The following NLGN1 variants were observed in gnomAD, a reference collection of about 807,000 sequenced individuals.
NLGN1 encodes the protein neuroligin-1.
NLGN1 carries 12 observed loss-of-function variants against 65.5 expected under a neutral mutation model. The ratio of observed to expected loss-of-function variants is 0.18; its 90% CI spans 0.12 to 0.30. The LOEUF (loss-of-function observed/expected upper bound fraction) is 0.30, where lower values mean the gene tolerates loss of function less well. Ranked by LOEUF, NLGN1 falls within the 10% of genes least tolerant of loss-of-function variation. NLGN1 has a pLI of 1.00. For synonymous variants in NLGN1, 350 were observed against 359.5 expected (o/e 0.97, Z 0.30); for missense variants, 750 against 1,007.1 (o/e 0.74, Z 3.46).
rs548803393 is a variant in NLGN1, at chr3:174,233,798, G to A, written c.647-41517G>A. 7.9e-5 allele frequency among the ~76,000 whole-genome samples: 12 copies of A among 152,098 alleles called. No individual in the cohort carries two copies. The South Asian group carries it at 2.5e-3, about 32-fold the overall frequency. On this transcript the variant is annotated intron_variant, in intron 4 of 6. Coordinates refer to ENST00000457714, the Ensembl canonical transcript of NLGN1. Reference sequence around the variant, plus strand: ...CTTCAACAGAACTAGTTCACTGAAGGCATATAATTTAATGGTATTATTAAG... The same window carrying A: ...CTTCAACAGAACTAGTTCACTGAAGACATATAATTTAATGGTATTATTAAG...
At chr3:174,125,314 G>A (rs889241922) in intron 4 of NLGN1, among the ~76,000 whole-genome samples, 2 of 152,094 alleles carry the variant, frequency 1.3e-5, no homozygotes, top group African/African-American at 4.8e-5. Flanking sequence ...TGCAGCAGGG[G>A]AAGATAAAAA....
chr3:173,991,505 A>G (rs1721093418), intron 4 of NLGN1, among the ~76,000 whole-genome samples: 1 of 152,194 alleles, frequency 6.6e-6, no homozygotes, highest in African/African-American at 2.4e-5. Flanking sequence ...ATAGAATGTT[A>G]CTAGCCACAC....
intron 3 of NLGN1, among the ~76,000 whole-genome samples, chr3:173,615,769 A>G (rs1033097285): frequency 6.0e-5 from 9 of 150,114 alleles, no homozygotes; most frequent in South Asian, 2.1e-4. Flanking sequence ...TTTAAAGCCT[A>G]AAGTGTACCT....
chr3:174,212,248 G>A (rs183669438), intron 4 of NLGN1, among the ~76,000 whole-genome samples: 1 of 152,204 alleles, frequency 6.6e-6, no homozygotes, highest in Non-Finnish European at 1.5e-5. Context: ...GGCCAGCAGG[G>A]CTGGCCGGCT....
intron 4 of NLGN1, among the ~76,000 whole-genome samples, chr3:174,265,894 A>ATGTATATATG (rs1490226386): frequency 7.1e-6 from 1 of 140,790 alleles, no homozygotes; most frequent in Non-Finnish European, 1.5e-5. Context: ...ATACGTATAT[A>ATGTATATATG]TGTATATATG....
chr3:173,885,964 A>G (rs1235745202), intron 4 of NLGN1, among the ~76,000 whole-genome samples: 1 of 152,098 alleles, frequency 6.6e-6, no homozygotes, highest in Non-Finnish European at 1.5e-5. Flanking sequence ...TACAGAACCT[A>G]TTAGTAAGAA....
At chr3:173,703,260 A>G (rs1243509434) in intron 3 of NLGN1, among the ~76,000 whole-genome samples, 1 of 152,128 alleles carries the variant, frequency 6.6e-6, no homozygotes, top group Non-Finnish European at 1.5e-5. Flanking sequence ...AATCTTTTCT[A>G]CTTAAAAGAG....
chr3:174,276,130 T>C (rs1227226615), intron 5 of NLGN1, among the ~76,000 whole-genome samples: 1 of 151,902 alleles, frequency 6.6e-6, no homozygotes, highest in Non-Finnish European at 1.5e-5. Flanking sequence ...TTTCTATTTT[T>C]AACTCCAAAA....
intron 2 of NLGN1, among the ~76,000 whole-genome samples, chr3:173,516,178 A>G (rs551053203): frequency 1.9e-4 from 29 of 152,194 alleles, no homozygotes; most frequent in South Asian, 1.9e-3. Flanking sequence ...ATAGTGACAG[A>G]TTTTTTAATG....
At chr3:173,806,958 A>G (rs746439996) in intron 3 of NLGN1, among the ~76,000 whole-genome samples, 6 of 152,156 alleles carry the variant, frequency 3.9e-5, no homozygotes, top group Non-Finnish European at 8.8e-5. Context: ...AAAGAAAGTG[A>G]AAAAATATTT....
intron 2 of NLGN1, among the ~76,000 whole-genome samples, chr3:173,518,328 A>AT (rs1267476183): frequency 2.7e-5 from 4 of 150,624 alleles, no homozygotes; most frequent in African/African-American, 4.9e-5. Flanking sequence ...TTTGCTCATT[A>AT]TTTTTCTAGT....
chr3:173,831,657 A>G (rs1302812715), intron 4 of NLGN1, among the ~76,000 whole-genome samples: 1 of 152,218 alleles, frequency 6.6e-6, no homozygotes, highest in East Asian at 1.9e-4. Flanking sequence ...TTATATGAAA[A>G]CAGGAAGATG....
chr3:173,839,533 C>G (rs908668723), intron 4 of NLGN1, among the ~76,000 whole-genome samples: 5 of 151,842 alleles, frequency 3.3e-5, no homozygotes, highest in African/African-American at 9.7e-5. Flanking sequence ...AGCGATTCTT[C>G]TGCCTCAGCC....
chr3:174,167,513 A>C (rs1727716363), intron 4 of NLGN1, among the ~76,000 whole-genome samples: 1 of 150,544 alleles, frequency 6.6e-6, no homozygotes, highest in Non-Finnish European at 1.5e-5. Context: ...GTATTCTCGC[A>C]ATCTCTCTTG....
At chr3:173,988,396 C>A (rs917207498) in intron 4 of NLGN1, among the ~76,000 whole-genome samples, 1 of 152,116 alleles carries the variant, frequency 6.6e-6, no homozygotes, top group African/African-American at 2.4e-5. Context: ...CAAAGTTTTT[C>A]ATTCTTTCTT....
At chr3:173,678,998 G>A (rs569479863) in intron 3 of NLGN1, among the ~76,000 whole-genome samples, 8 of 152,066 alleles carry the variant, frequency 5.3e-5, no homozygotes, top group African/African-American at 1.9e-4. Context: ...GAGTTTAGTT[G>A]GGAATTAGAT....
chr3:173,814,129 G>A (rs572379893), intron 4 of NLGN1, among the ~76,000 whole-genome samples: 2 of 152,334 alleles, frequency 1.3e-5, no homozygotes, highest in Middle Eastern at 3.4e-3. Context: ...CTTTCACCCA[G>A]GGTGCGTGTC....
At chr3:173,567,154 G>T (rs1305919696) in intron 2 of NLGN1, among the ~76,000 whole-genome samples, 2 of 152,036 alleles carry the variant, frequency 1.3e-5, no homozygotes, top group Non-Finnish European at 2.9e-5. Flanking sequence ...TTTTATGTGT[G>T]TGTGTATAAA....
At chr3:173,640,085 C>T (rs1382841466) in intron 3 of NLGN1, among the ~76,000 whole-genome samples, 2 of 152,094 alleles carry the variant, frequency 1.3e-5, no homozygotes, top group African/African-American at 4.8e-5. Context: ...TGTCATCTTT[C>T]AAGGACAACG....
Sources: gnomAD v4.1 joint callset for allele counts (sites outside exome capture counted in the v4.1 genomes callset) on GRCh38, gnomAD v4.1.1 for gene constraint, MANE v1.5 for transcripts, NCBI Gene and HGNC (gene_info 2026-07-23, HGNC 2026-07-21) for gene names.